Variants in NF1 observed in about 807,000 individuals in gnomAD.
NF1 encodes the protein neurofibromin 1, also known as neurofibromin.
A neutral mutation model predicts 325.7 loss-of-function variants in NF1; 122 were observed. That is an observed-to-expected ratio of 0.37 (90% CI 0.32 to 0.44). NF1 has a LOEUF of 0.44. Ranked by LOEUF, NF1 falls within the 20% of genes least tolerant of loss-of-function variation. The pLI is 1.00. For synonymous variants in NF1, 1,091 were observed against 1,186.0 expected (o/e 0.92, Z 1.65); for missense variants, 2,140 against 3,415.4 (o/e 0.63, Z 9.31).
chr17:31,182,620 C>A lies in NF1; in HGVS notation c.843C>A (p.Ile281=), dbSNP rs146094856. ...IILLILCPEI[I]QDISKDVVDE... ...TCCTTATCTTGTGTCCAGAAATAAT[C>A]CAGGATATATCCAAAGACGTGGTTG... Residue 281 remains isoleucine (I), a synonymous_variant, in exon 8 of 58, where the codon ATC becomes ATA. Transcript: ENST00000358273. 1.2e-6 allele frequency: 2 copies of A among 1,613,708 alleles called. No homozygotes were observed. Among genetic ancestry groups the A allele is most frequent in the African/African-American group, 2.7e-5 (2 of 74,890 alleles).
At chr17:31,355,350 A>C (rs2070245721) in intron 51 of NF1, among the ~76,000 whole-genome samples, 1 of 152,178 alleles carries the variant, frequency 6.6e-6, no homozygotes, top group Non-Finnish European at 1.5e-5. Flanking sequence ...CAGACTAATT[A>C]CTTAACTGCT....
rs150568142 is a variant in NF1 at position 31,338,909 on chromosome 17, T to C, written c.6921+104T>C. ...AATAAGATGAATTGAGAATAAGTTA[T>C]AAAGAAAAAACTATAGTTAAAGTAG... On this transcript the variant is annotated intron_variant, in intron 46 of 57. Transcript: ENST00000358273. 3.1e-4 allele frequency: 253 copies of C among 808,320 alleles called. 1 individual carries two copies. In the African/African-American group the frequency reaches 3.7e-3, roughly 12 times the overall value. The allele number at this position is 808,320 out of a possible 1,614,324, so 50.1% of individuals were successfully genotyped here. A position where few individuals can be genotyped will look rare whatever the true frequency, so the allele number is the denominator to read the frequency against.
chr17:31,141,991 C>CT (rs1463413232), intron 1 of NF1, among the ~76,000 whole-genome samples: 1 of 152,148 alleles, frequency 6.6e-6, no homozygotes, highest in East Asian at 1.9e-4. Context: ...AATGTAAACC[C>CT]TACCCCCATT....
chr17:31,155,024 A>T (rs1175195761), intron 1 of NF1, among the ~76,000 whole-genome samples: 1 of 152,138 alleles, frequency 6.6e-6, no homozygotes, highest in African/African-American at 2.4e-5. Flanking sequence ...CACCGTGCCC[A>T]GCCTATTTAG....
intron 1 of NF1, among the ~76,000 whole-genome samples, chr17:31,121,968 C>T (rs999096148): frequency 6.6e-6 from 1 of 152,154 alleles, no homozygotes; most frequent in African/African-American, 2.4e-5. Flanking sequence ...CCAGGCTTAG[C>T]ACAGTTCTTG....
chr17:31,252,825 T>C, intron 30 of NF1, 113 bp from the exon 31 acceptor site: 2 of 799,946 alleles, frequency 2.5e-6, no homozygotes, highest in Non-Finnish European at 4.2e-6. Context: ...AATTTTTTGT[T>C]GATTCCATTT....
intron 1 of NF1, among the ~76,000 whole-genome samples, chr17:31,132,163 G>T (rs1399296658): frequency 1.3e-5 from 2 of 151,850 alleles, no homozygotes; most frequent in African/African-American, 4.8e-5. Flanking sequence ...GAACTCATGG[G>T]CTCAAATGAT....
intron 20 of NF1, among the ~76,000 whole-genome samples, chr17:31,228,607 AC>A (rs1236019805): frequency 4.6e-5 from 7 of 151,136 alleles, no homozygotes; most frequent in Non-Finnish European, 1.0e-4. Flanking sequence ...GCCTCTAACC[AC>A]CCCCCACCCA....
chr17:31,097,351 G>A (rs999689875), intron 1 of NF1, among the ~76,000 whole-genome samples: 4 of 151,656 alleles, frequency 2.6e-5, no homozygotes, highest in African/African-American at 9.7e-5. Flanking sequence ...CCAGCTACTC[G>A]GGAGGCTGAG....
chr17:31,280,335 A>T, intron 36 of NF1, among the ~76,000 whole-genome samples: 1 of 151,698 alleles, frequency 6.6e-6, no homozygotes, highest in East Asian at 1.9e-4. Flanking sequence ...CAACATGGTG[A>T]AAACCCGTCT....
chr17:31,185,025 C>T (rs2066213530), intron 8 of NF1, among the ~76,000 whole-genome samples: 1 of 152,178 alleles, frequency 6.6e-6, no homozygotes, highest in Non-Finnish European at 1.5e-5. Context: ...GAAACAGCTT[C>T]CCCATCCCCA....
chr17:31,224,566 C>T (rs1035288560), intron 16 of NF1, among the ~76,000 whole-genome samples: 5 of 152,082 alleles, frequency 3.3e-5, no homozygotes, highest in African/African-American at 7.2e-5. Flanking sequence ...TTCATGGCCT[C>T]GCCTATGGTA....
At position 31,349,264 on chromosome 17, in the gene NF1, A is replaced by G. The variant is rs1057523308; in HGVS notation, c.7321+13A>G. 6.2e-7 allele frequency: 1 copy of G among 1,610,178 alleles called. No individual in the cohort carries two copies. Among genetic ancestry groups the G allele is most frequent in the Non-Finnish European group, 8.5e-7 (1 of 1,178,976 alleles). ...GCCTACTTAGCAGGTAAAAACACAA[A>G]ATAAACAAAATTAATCTTGCTACAT... is the stretch of plus-strand genomic sequence containing the variant. On this transcript the variant is annotated intron_variant, in intron 49 of 57. Coordinates refer to ENST00000358273, the MANE Select transcript of NF1 (RefSeq NM_001042492.3).
intron 36 of NF1, chr17:31,304,022 T>C (rs889817540): frequency 4.0e-5 from 14 of 349,424 alleles, no homozygotes; most frequent in African/African-American, 2.1e-4. Context: ...AAACATACCA[T>C]TTACATATGT....
At chr17:31,264,805 GAGTA>G (rs2067757077) in intron 35 of NF1, among the ~76,000 whole-genome samples, 1 of 152,138 alleles carries the variant, frequency 6.6e-6, no homozygotes, top group South Asian at 2.1e-4. Context: ...TGATAAAACT[GAGTA>G]ATGATTTGGA....
At chr17:31,181,152 A>G (rs17886018) in intron 5 of NF1, among the ~76,000 whole-genome samples, 115 of 152,338 alleles carry the variant, frequency 7.5e-4, no homozygotes, top group Non-Finnish European at 1.6e-3. Context: ...AATATCCTGT[A>G]TGTGTTTTAT....
chr17:31,342,972 T>C, intron 47 of NF1, 37 bp from the exon 48 acceptor site: 1 of 1,613,488 alleles, frequency 6.2e-7, no homozygotes, highest in East Asian at 2.2e-5. Context: ...AGCTACTGTG[T>C]GAACCTCATC....
chr17:31,129,532 C>T (rs905093368), intron 1 of NF1, among the ~76,000 whole-genome samples: 5 of 149,998 alleles, frequency 3.3e-5, no homozygotes, highest in African/African-American at 7.4e-5. Context: ...TGGGTTCAAG[C>T]GATTCTCCTG....
At chr17:31,357,548 A>C (rs1305699747) in intron 54 of NF1, 179 bp downstream of exon 54, 1 of 620,386 alleles carries the variant, frequency 1.6e-6, no homozygotes, top group Non-Finnish European at 2.9e-6. Context: ...GATCTATTAG[A>C]AAGTTTATAA....
Sources: gnomAD v4.1 joint callset for allele counts (sites outside exome capture counted in the v4.1 genomes callset) on GRCh38, gnomAD v4.1.1 for gene constraint, MANE v1.5 for transcripts, NCBI Gene and HGNC (gene_info 2026-07-23, HGNC 2026-07-21) for gene names.